SLAMF6: variants seen among roughly 807,000 people sequenced by gnomAD.
SLAMF6 encodes SLAM family member 6.
SLAMF6 carries 21 observed loss-of-function variants against 38.3 expected under a neutral mutation model. The observed-to-expected ratio is 0.55, with a 90% CI of 0.39 to 0.79. The LOEUF is 0.79. Among genes scored for constraint, SLAMF6 ranks in the 30% least tolerant of loss-of-function variants. The probability of loss-of-function intolerance (pLI) is 0.00; values close to 1 mark genes in which losing one functional copy is unlikely to be tolerated. For missense variants in SLAMF6, 341 were observed against 385.3 expected (o/e 0.89, Z 0.96); for synonymous variants, 152 against 146.3 (o/e 1.04, Z -0.28).
chr1:160,501,860 G>A (rs1245298134), intron 1 of SLAMF6, among the ~76,000 whole-genome samples: 1 of 152,100 alleles, frequency 6.6e-6, no homozygotes, highest in Non-Finnish European at 1.5e-5. Context: ...AGGGGAGAAA[G>A]GAGTTTGTGG....
At chr1:160,513,176 T>C (rs184358002) in intron 1 of SLAMF6, among the ~76,000 whole-genome samples, 45 of 152,212 alleles carry the variant, frequency 3.0e-4, no homozygotes, top group African/African-American at 9.9e-4. Context: ...ATAAATGACT[T>C]GATGGAACTG....
intron 1 of SLAMF6, among the ~76,000 whole-genome samples, chr1:160,503,477 C>G (rs1654019849): frequency 6.6e-6 from 1 of 152,060 alleles, no homozygotes; most frequent in East Asian, 1.9e-4. Context: ...ATGATTATAG[C>G]ACTTGTAGCC....
chr1:160,519,368 A>G (rs1654886738), intron 1 of SLAMF6, among the ~76,000 whole-genome samples: 2 of 152,242 alleles, frequency 1.3e-5, no homozygotes. Flanking sequence ...GCTAGTGGAA[A>G]TGTAAAATGG....
chr1:160,501,050 C>G (rs539973867), intron 1 of SLAMF6, among the ~76,000 whole-genome samples: 120 of 152,328 alleles, frequency 7.9e-4, no homozygotes, highest in African/African-American at 2.8e-3. Context: ...TGCCCCAAAA[C>G]AGAGCCAATC....
chr1:160,499,970 G>C (rs1303748474), intron 1 of SLAMF6, among the ~76,000 whole-genome samples: 1 of 152,218 alleles, frequency 6.6e-6, no homozygotes, highest in East Asian at 1.9e-4. Flanking sequence ...AGAATGTCCA[G>C]ATACCAGAGA....
chr1:160,511,137 T>C (rs1218845051), intron 1 of SLAMF6, among the ~76,000 whole-genome samples: 1 of 152,190 alleles, frequency 6.6e-6, no homozygotes, highest in East Asian at 1.9e-4. Flanking sequence ...AATATTAATA[T>C]GCCGATACCA....
At chr1:160,512,615 A>C (rs529893217) in intron 1 of SLAMF6, among the ~76,000 whole-genome samples, 1 of 152,188 alleles carries the variant, frequency 6.6e-6, no homozygotes, top group African/African-American at 2.4e-5. Context: ...CACTGTCATC[A>C]GTTTGGTGCC....
intron 2 of SLAMF6, among the ~76,000 whole-genome samples, chr1:160,493,902 T>A (rs928246323): frequency 6.6e-6 from 1 of 152,052 alleles, no homozygotes; most frequent in African/African-American, 2.4e-5. Context: ...ACCATCAGCT[T>A]TCATGAGAGC....
At chr1:160,512,103 G>A in intron 1 of SLAMF6, among the ~76,000 whole-genome samples, 1 of 152,226 alleles carries the variant, frequency 6.6e-6, no homozygotes, top group Non-Finnish European at 1.5e-5. Flanking sequence ...GACCGTCTAA[G>A]ACTACTGAGT....
In SLAMF6 at chr1:160,485,171, C is replaced by T. The variant is rs1404584634; in HGVS notation, c.*1536G>A. 2 of 152,126 alleles carry T rather than the reference C, an allele frequency of 1.3e-5. No homozygotes were observed. Among genetic ancestry groups the T allele is most frequent in the Admixed American group, 6.5e-5 (1 of 15,274 alleles). 9.4% of individuals were successfully genotyped at this position (152,126 alleles called of 1,614,324 possible). A position where few individuals can be genotyped will look rare whatever the true frequency, so the allele number is the denominator to read the frequency against. ...GTTCAAGCGATTCTCCTGCCTCAGT[C>T]TCTCAAGTAGCTGGGATTTTAGGGG... On this transcript the variant is annotated 3_prime_UTR_variant, in exon 8 of 8. Coordinates refer to ENST00000368057, the MANE Select transcript of SLAMF6 (RefSeq NM_001184714.2).
At chr1:160,509,798 T>C (rs911454386) in intron 1 of SLAMF6, among the ~76,000 whole-genome samples, 2 of 151,880 alleles carry the variant, frequency 1.3e-5, no homozygotes, top group African/African-American at 4.8e-5. Context: ...AGAGAAATAA[T>C]CAATGAAACC....
At chr1:160,510,605 A>G (rs796158172) in intron 1 of SLAMF6, among the ~76,000 whole-genome samples, 2 of 152,324 alleles carry the variant, frequency 1.3e-5, no homozygotes, top group African/African-American at 4.8e-5. Context: ...GATAAAAGGC[A>G]TTTATGAAAA....
At chr1:160,499,991 A>G (rs150931658) in intron 1 of SLAMF6, among the ~76,000 whole-genome samples, 1,914 of 152,336 alleles carry the variant, frequency 0.013, 22 homozygotes, top group Non-Finnish European at 0.015. Flanking sequence ...ATACAAATAT[A>G]TGATTCTATT....
intron 1 of SLAMF6, among the ~76,000 whole-genome samples, chr1:160,501,793 G>C (rs1406582438): frequency 1.3e-5 from 2 of 150,796 alleles, no homozygotes; most frequent in Non-Finnish European, 2.9e-5. Context: ...TCAAGGATGA[G>C]CTAAAATATC....
chr1:160,518,086 C>A (rs1557951055), intron 1 of SLAMF6, among the ~76,000 whole-genome samples: 2 of 151,716 alleles, frequency 1.3e-5, no homozygotes, highest in African/African-American at 2.4e-5. Flanking sequence ...ACTATGAATT[C>A]CATTAAACTT....
intron 1 of SLAMF6, among the ~76,000 whole-genome samples, chr1:160,505,235 G>T (rs969400695): frequency 2.0e-5 from 3 of 152,268 alleles, no homozygotes; most frequent in African/African-American, 4.8e-5. Context: ...GGAAGGGGAA[G>T]AGTCTGATTT....
intron 1 of SLAMF6, 41 bp downstream of exon 1, chr1:160,523,103 G>A: frequency 6.2e-7 from 1 of 1,604,082 alleles, no homozygotes; most frequent in Non-Finnish European, 8.5e-7. Flanking sequence ...ACAAAACCAG[G>A]GAGTCACTCA....
At chr1:160,507,665 A>G (rs377148892) in intron 1 of SLAMF6, among the ~76,000 whole-genome samples, 1 of 152,194 alleles carries the variant, frequency 6.6e-6, no homozygotes, top group Non-Finnish European at 1.5e-5. Flanking sequence ...TCAATAAATT[A>G]TAAAAGACTT....
chr1:160,496,521 G>T, intron 1 of SLAMF6, 128 bp from the exon 2 acceptor site: 1 of 835,254 alleles, frequency 1.2e-6, no homozygotes, highest in Non-Finnish European at 1.9e-6. Flanking sequence ...ATATGACAGA[G>T]TAGGAAAGGG....
Sources: gnomAD v4.1 joint callset for allele counts (sites outside exome capture counted in the v4.1 genomes callset) on GRCh38, gnomAD v4.1.1 for gene constraint, MANE v1.5 for transcripts, NCBI Gene and HGNC (gene_info 2026-07-23, HGNC 2026-07-21) for gene names.